The following EYS variants were observed in gnomAD, a reference collection of about 807,000 sequenced individuals.
The protein encoded by EYS is protein eyes shut homolog.
A neutral mutation model predicts 282.1 loss-of-function variants in EYS; 250 were observed. That is an observed-to-expected ratio of 0.89 (90% CI 0.80 to 0.98). The LOEUF is 0.98. Among genes scored for constraint, EYS ranks in the 50% least tolerant of loss-of-function variants. EYS has a pLI of 0.00. For synonymous variants in EYS, 1,355 were observed against 1,282.9 expected (o/e 1.06, Z -1.20); for missense variants, 4,016 against 3,709.0 (o/e 1.08, Z -2.15).
intron 24 of EYS, among the ~76,000 whole-genome samples, chr6:64,599,756 A>G (rs1225545266): frequency 1.3e-5 from 2 of 152,136 alleles, no homozygotes; most frequent in Non-Finnish European, 2.9e-5. Flanking sequence ...TTTACCTAAG[A>G]AGTGAGGCTC....
At chr6:64,228,796 C>A (rs1766328474) in intron 31 of EYS, among the ~76,000 whole-genome samples, 1 of 152,012 alleles carries the variant, frequency 6.6e-6, no homozygotes, top group African/African-American at 2.4e-5. Context: ...TTGCTTAACT[C>A]CAAAAATCCT....
intron 13 of EYS, among the ~76,000 whole-genome samples, chr6:65,002,331 G>C (rs1771491273): frequency 6.8e-6 from 1 of 147,040 alleles, no homozygotes; most frequent in Non-Finnish European, 1.5e-5. Context: ...CCAAAATCTG[G>C]AACAAAAATA....
At chr6:64,764,689 G>A (rs2149981076) in intron 22 of EYS, among the ~76,000 whole-genome samples, 1 of 152,278 alleles carries the variant, frequency 6.6e-6, no homozygotes, top group African/African-American at 2.4e-5. Flanking sequence ...CTACTCCATT[G>A]TCAGGCTGCA....
At chr6:65,269,070 C>A (rs996943304) in intron 12 of EYS, among the ~76,000 whole-genome samples, 2 of 152,102 alleles carry the variant, frequency 1.3e-5, no homozygotes, top group Admixed American at 6.6e-5. Context: ...TGTCATCACC[C>A]TGATCATTTT....
rs535107027 is a variant in EYS, at chr6:64,137,301, A to G, written c.6425-55299T>C. Among the ~76,000 whole-genome samples, 18 of 152,308 alleles carry G rather than the reference A, an allele frequency of 1.2e-4. No homozygotes were observed. The East Asian group carries it at 3.5e-3, about 29-fold the overall frequency. On this transcript the variant is annotated intron_variant, in intron 31 of 42. Transcript: ENST00000503581. ...GATCCATCTGGACCAAACTTTCTCCATATCAGCCATAAGCCTATTTCACTT... is the reference window on the plus strand; with the variant it reads ...GATCCATCTGGACCAAACTTTCTCCGTATCAGCCATAAGCCTATTTCACTT...
chr6:64,659,871 C>T lies in EYS; in HGVS notation c.3444-33626G>A, dbSNP rs539109011. 1.7e-3 allele frequency among the ~76,000 whole-genome samples: 253 copies of T among 152,258 alleles called. 2 individuals carry two copies. Among genetic ancestry groups the T allele is most frequent in the African/African-American group, 6.0e-3 (249 of 41,550 alleles). The stretch of plus-strand genomic sequence containing the variant: ...AATCAATAGAAAAAGAGGGACTCCT[C>T]CCTAACTCATTTTATGAGGCCAGCA... On this transcript the variant is annotated intron_variant, in intron 22 of 42. Transcript: ENST00000503581.
chr6:64,303,203 C>T (rs1402700987), intron 30 of EYS, among the ~76,000 whole-genome samples: 1 of 152,198 alleles, frequency 6.6e-6, no homozygotes, highest in African/African-American at 2.4e-5. Context: ...ATTGCAACTG[C>T]TTGGCCAAGA....
intron 35 of EYS, among the ~76,000 whole-genome samples, chr6:63,948,645 C>T (rs1236240271): frequency 1.3e-5 from 2 of 152,028 alleles, no homozygotes; most frequent in African/African-American, 4.8e-5. Flanking sequence ...TCTCCTTCTC[C>T]TGAACCAATT....
chr6:65,108,818 T>G (rs1775120564), intron 12 of EYS, among the ~76,000 whole-genome samples: 2 of 152,152 alleles, frequency 1.3e-5, no homozygotes, highest in Admixed American at 1.3e-4. Flanking sequence ...ACTAAAATTA[T>G]ATATATGTTG....
At position 64,590,605 on chromosome 6, in the gene EYS, C is replaced by T. The variant is rs779784002; in HGVS notation, c.5262G>A (p.Pro1754=). Residue 1754 remains proline (P), a synonymous_variant, in exon 26 of 43, where the codon CCG becomes CCA. Transcript: ENST00000503581. ...LDFELNLQIY[P]DVTLKTYSEI... ...CTGAATATGTCTTTAAAGTAACATC[C>T]GGATAAATTTGTAAGTTTAACTCAA... 2.1e-5 allele frequency: 32 copies of T among 1,551,086 alleles called. No individual in the cohort carries two copies. Among genetic ancestry groups the T allele is most frequent in the East Asian group, 4.9e-5 (2 of 40,912 alleles).
At chr6:65,393,337 C>T (rs2150357999) in intron 7 of EYS, among the ~76,000 whole-genome samples, 1 of 151,904 alleles carries the variant, frequency 6.6e-6, no homozygotes, top group East Asian at 1.9e-4. Context: ...AAAAATTAGC[C>T]TTATAAATGT....
intron 28 of EYS, among the ~76,000 whole-genome samples, chr6:64,408,529 A>C (rs9362790): frequency 0.24 from 36,637 of 152,150 alleles, 4,948 homozygotes; most frequent in East Asian, 0.39. Context: ...CTTGAGCCCC[A>C]GCTGGGGTAC....
chr6:63,747,466 T>G (rs377303965), intron 41 of EYS, among the ~76,000 whole-genome samples: 2 of 152,358 alleles, frequency 1.3e-5, no homozygotes, highest in African/African-American at 4.8e-5. Flanking sequence ...TTAGGTCCTC[T>G]TGCTCCAGAG....
chr6:65,451,025 T>C (rs1764376806), intron 5 of EYS, among the ~76,000 whole-genome samples: 1 of 152,110 alleles, frequency 6.6e-6, no homozygotes. Flanking sequence ...CTTTTAATTT[T>C]TGCTTTATTT....
At chr6:63,988,112 C>CACAT (rs1230226285) in intron 34 of EYS, among the ~76,000 whole-genome samples, 1 of 151,578 alleles carries the variant, frequency 6.6e-6, no homozygotes, top group Non-Finnish European at 1.5e-5. Flanking sequence ...ATAGAGCTGT[C>CACAT]ACATAGCATA....
At chr6:64,162,483 C>G (rs1775137412) in intron 31 of EYS, among the ~76,000 whole-genome samples, 1 of 152,056 alleles carries the variant, frequency 6.6e-6, no homozygotes, top group Non-Finnish European at 1.5e-5. Context: ...GTATGGTGCC[C>G]TTTGTCCCTT....
intron 37 of EYS, among the ~76,000 whole-genome samples, chr6:63,793,899 G>T (rs1339935179): frequency 6.6e-6 from 1 of 152,150 alleles, no homozygotes; most frequent in Non-Finnish European, 1.5e-5. Context: ...CCTGAAACCT[G>T]TCAGGGCAGT....
chr6:65,090,347 T>C (rs1376278194), intron 12 of EYS, among the ~76,000 whole-genome samples: 2 of 152,150 alleles, frequency 1.3e-5, no homozygotes, highest in Non-Finnish European at 2.9e-5. Flanking sequence ...TTGCTTCCCA[T>C]TCACCTTCCA....
At chr6:65,361,063 C>A (rs535006442) in intron 8 of EYS, among the ~76,000 whole-genome samples, 5 of 151,618 alleles carry the variant, frequency 3.3e-5, no homozygotes, top group Admixed American at 3.3e-4. Context: ...TAATTAATTT[C>A]TAAATTTCCT....
Sources: allele counts gnomAD v4.1 joint callset (sites outside exome capture counted in the v4.1 genomes callset), GRCh38; gene constraint gnomAD v4.1.1; transcripts MANE v1.5; gene names NCBI Gene and HGNC (gene_info 2026-07-23, HGNC 2026-07-21).